The following SDK1 variants were observed in gnomAD, a reference collection of about 807,000 sequenced individuals.
SDK1 encodes protein sidekick-1.
In SDK1, 157 loss-of-function variants were observed where a neutral mutation model predicts 245.5. That is an observed-to-expected ratio of 0.64 (90% CI 0.56 to 0.73). The LOEUF (loss-of-function observed/expected upper bound fraction) is 0.73, where lower values mean the gene tolerates loss of function less well. Ranked by LOEUF, SDK1 falls within the 30% of genes least tolerant of loss-of-function variation. The pLI, the probability that SDK1 is intolerant of heterozygous loss-of-function variation, is 0.00. For missense variants in SDK1, 3,583 were observed against 3,002.3 expected, an observed-to-expected ratio of 1.19 and a Z score of -4.52; for synonymous variants, 1,647 against 1,278.5, an observed-to-expected ratio of 1.29 and a Z score of -6.15.
At chr7:4,159,161 A>C (rs1002253998) in intron 31 of SDK1, among the ~76,000 whole-genome samples, 1 of 152,232 alleles carries the variant, frequency 6.6e-6, no homozygotes, top group Non-Finnish European at 1.5e-5. Flanking sequence ...TAGTTCACCC[A>C]GCAGCGTTTC....
intron 4 of SDK1, among the ~76,000 whole-genome samples, chr7:3,662,869 G>A (rs1193167139): frequency 6.6e-6 from 1 of 152,148 alleles, no homozygotes; most frequent in Non-Finnish European, 1.5e-5. Flanking sequence ...GATCTGAGAT[G>A]CTTAACCCAG....
At chr7:3,579,806 G>T (rs916080602) in intron 1 of SDK1, among the ~76,000 whole-genome samples, 2 of 152,190 alleles carry the variant, frequency 1.3e-5, no homozygotes, top group African/African-American at 4.8e-5. Flanking sequence ...GAGAGAGGAA[G>T]TCAAAGTATC....
At chr7:3,451,843 T>G (rs1398377961) in intron 1 of SDK1, among the ~76,000 whole-genome samples, 2 of 152,184 alleles carry the variant, frequency 1.3e-5, no homozygotes, top group Non-Finnish European at 1.5e-5. Context: ...ACTAGTGTAG[T>G]AAGTGAAAGA....
chr7:4,223,756 G>T (rs550341942), intron 40 of SDK1, among the ~76,000 whole-genome samples: 19 of 152,168 alleles, frequency 1.2e-4, no homozygotes, highest in Admixed American at 3.9e-4. Flanking sequence ...AATTTGCAGT[G>T]GGGGGCAGAG....
intron 1 of SDK1, among the ~76,000 whole-genome samples, chr7:3,378,272 A>T (rs549907484): frequency 2.0e-5 from 3 of 152,228 alleles, no homozygotes; most frequent in African/African-American, 7.2e-5. Flanking sequence ...ATTCCATAAA[A>T]TATATGGTCT....
chr7:3,941,318 G>A (rs1366897273), intron 5 of SDK1, among the ~76,000 whole-genome samples: 2 of 151,848 alleles, frequency 1.3e-5, no homozygotes, highest in East Asian at 1.9e-4. Flanking sequence ...GCTCCCACCC[G>A]CTCTAGACAG....
chr7:3,963,819 C>A (rs907508463), intron 9 of SDK1, among the ~76,000 whole-genome samples: 2 of 151,594 alleles, frequency 1.3e-5, no homozygotes, highest in African/African-American at 4.8e-5. Context: ...GTGAGCACAC[C>A]CAGGCCGACG....
At position 3,431,907 on chromosome 7, in the gene SDK1, T is replaced by C. The variant is rs887917519; in HGVS notation, c.298+130023T>C. Among the ~76,000 whole-genome samples, 13 of 152,086 alleles carry C rather than the reference T, an allele frequency of 8.5e-5. 1 individual carries two copies. The highest frequency in any genetic ancestry group is 8.5e-4 in the Admixed American group (13 of 15,268). On this transcript the variant is annotated intron_variant, in intron 1 of 44. Transcript: ENST00000404826. ...CTGAAGCCTGCGGTTTATAAAAAGA[T>C]TCTCCCTAGAATTCCTTTAAGACCT...
At chr7:3,377,522 A>G (rs1401061306) in intron 1 of SDK1, among the ~76,000 whole-genome samples, 1 of 152,040 alleles carries the variant, frequency 6.6e-6, no homozygotes, top group Non-Finnish European at 1.5e-5. Context: ...GTACTTGGTC[A>G]GGAGGTGCAG....
At chr7:4,115,915 G>A (rs1783674794) in intron 25 of SDK1, among the ~76,000 whole-genome samples, 1 of 152,226 alleles carries the variant, frequency 6.6e-6, no homozygotes. Context: ...GAGCTAGGAA[G>A]CCAAGTGCGT....
intron 5 of SDK1, among the ~76,000 whole-genome samples, chr7:3,942,629 C>T (rs1221487725): frequency 6.6e-6 from 1 of 152,006 alleles, no homozygotes; most frequent in African/African-American, 2.4e-5. Context: ...AAGTTTTAGA[C>T]CAATTATTTT....
intron 21 of SDK1, among the ~76,000 whole-genome samples, chr7:4,078,204 T>C (rs891269339): frequency 6.6e-6 from 1 of 152,110 alleles, no homozygotes; most frequent in South Asian, 2.1e-4. Context: ...GGCTGAACGC[T>C]TGTAGCTGGA....
At chr7:4,086,435 AG>A (rs1781433807) in intron 22 of SDK1, among the ~76,000 whole-genome samples, 2 of 152,170 alleles carry the variant, frequency 1.3e-5, no homozygotes, top group African/African-American at 4.8e-5. Flanking sequence ...GTCAGCTTCC[AG>A]GGTCATTCGG....
chr7:4,223,686 A>G (rs1452864069), intron 40 of SDK1, among the ~76,000 whole-genome samples: 2 of 152,218 alleles, frequency 1.3e-5, no homozygotes, highest in Non-Finnish European at 2.9e-5. Flanking sequence ...TACATCTGCA[A>G]CTACCCTATT....
At chr7:3,977,626 A>C (rs1214634794) in intron 13 of SDK1, among the ~76,000 whole-genome samples, 1 of 152,218 alleles carries the variant, frequency 6.6e-6, no homozygotes, top group Non-Finnish European at 1.5e-5. Flanking sequence ...ATTCAACGAC[A>C]GTAGCACTTC....
In SDK1 at chr7:3,694,719, T is replaced by G. The variant is rs561157442; in HGVS notation, c.713+52614T>G. ...AAAACATCCGTCTCTGGGCCACATC[T>G]CGAGTTTCTGATTCCATAGTTTGAG... On this transcript the variant is annotated intron_variant, in intron 4 of 44. Transcript: ENST00000404826. 2.6e-3 allele frequency among the ~76,000 whole-genome samples: 391 copies of G among 152,200 alleles called. 4 individuals are homozygous for G. The highest frequency in any genetic ancestry group is 9.2e-3 in the African/African-American group (381 of 41,510).
chr7:3,563,067 G>A (rs1046234086), intron 1 of SDK1, among the ~76,000 whole-genome samples: 1 of 152,198 alleles, frequency 6.6e-6, no homozygotes, highest in African/African-American at 2.4e-5. Context: ...AGAAACCAAA[G>A]ACGGTAGGGA....
chr7:3,991,349 C>T (rs913607849), intron 14 of SDK1, among the ~76,000 whole-genome samples: 1 of 152,150 alleles, frequency 6.6e-6, no homozygotes, highest in African/African-American at 2.4e-5. Context: ...AATATCACTT[C>T]TGCAAGTCCC....
chr7:3,661,926 C>G (rs912600577), intron 4 of SDK1, among the ~76,000 whole-genome samples: 3 of 151,886 alleles, frequency 2.0e-5, no homozygotes, highest in African/African-American at 7.3e-5. Context: ...CTCTAGAGGG[C>G]TTAGACTACT....
Sources: gnomAD v4.1 joint callset for allele counts (sites outside exome capture counted in the v4.1 genomes callset) on GRCh38, gnomAD v4.1.1 for gene constraint, MANE v1.5 for transcripts, NCBI Gene and HGNC (gene_info 2026-07-23, HGNC 2026-07-21) for gene names.